Variants in ABCE1 observed in about 807,000 individuals in gnomAD.
ABCE1 encodes the protein ATP binding cassette subfamily E member 1, also known as ATP-binding cassette sub-family E member 1.
ABCE1 carries 22 observed loss-of-function variants against 83.4 expected under a neutral mutation model. The observed-to-expected ratio is 0.26, with a 90% CI of 0.19 to 0.38. ABCE1 has a LOEUF of 0.38. Among genes scored for constraint, ABCE1 ranks in the 10% least tolerant of loss-of-function variants. The pLI, the probability that ABCE1 is intolerant of heterozygous loss-of-function variation, is 1.00. For missense variants in ABCE1, 330 were observed against 721.9 expected (o/e 0.46, Z 6.22); for synonymous variants, 204 against 233.7 (o/e 0.87, Z 1.16).
At position 145,112,402 on chromosome 4, in the gene ABCE1, G is replaced by T. The variant is rs927625633; in HGVS notation, c.800+74G>T. The T allele has an allele frequency of 1.2e-5, 12 of 1,008,864 alleles. No homozygotes were observed. In the African/African-American group the frequency reaches 1.8e-4, roughly 15 times the overall value. The allele number at this position is 1,008,864 out of a possible 1,614,324, so 62.5% of individuals were successfully genotyped here. A position where few individuals can be genotyped will look rare whatever the true frequency, so the allele number is the denominator to read the frequency against. ...TACAGATTTCTAAGGATTAAACACT[G>T]GGACTGTCAATGTGATGTACATATT... is the stretch of plus-strand genomic sequence containing the variant. On this transcript the variant is annotated intron_variant, in intron 9 of 17. Coordinates refer to ENST00000296577, the MANE Select transcript of ABCE1 (RefSeq NM_002940.3).
chr4:145,105,463 T>G, intron 2 of ABCE1, 142 bp from the exon 3 acceptor site: 2 of 557,996 alleles, frequency 3.6e-6, no homozygotes. Context: ...AGACATTATC[T>G]CAAATGTATT....
At chr4:145,120,357 C>A (rs7681812) in intron 11 of ABCE1, among the ~76,000 whole-genome samples, 3,161 of 151,932 alleles carry the variant, frequency 0.021, 94 homozygotes, top group African/African-American at 0.073. Flanking sequence ...GTTAATAGTT[C>A]TTATTTTGTT....
chr4:145,117,497 T>G, intron 10 of ABCE1, 83 bp downstream of exon 10: 1 of 1,365,822 alleles, frequency 7.3e-7, no homozygotes, highest in Non-Finnish European at 1.0e-6. Context: ...ATTAAGTAGT[T>G]TTACATTGGT....
At chr4:145,105,061 CTT>C (rs1354729827) in intron 2 of ABCE1, among the ~76,000 whole-genome samples, 2 of 151,970 alleles carry the variant, frequency 1.3e-5, no homozygotes, top group Non-Finnish European at 2.9e-5. Flanking sequence ...ATTACTGACT[CTT>C]AGAATTACTG....
intron 3 of ABCE1, among the ~76,000 whole-genome samples, chr4:145,106,172 G>A (rs2126700948): frequency 6.6e-6 from 1 of 151,898 alleles, no homozygotes; most frequent in African/African-American, 2.4e-5. Flanking sequence ...GTTTGATTAG[G>A]CTTTTGACTC....
At chr4:145,102,164 A>G (rs1749169570) in intron 1 of ABCE1, among the ~76,000 whole-genome samples, 1 of 152,156 alleles carries the variant, frequency 6.6e-6, no homozygotes, top group Non-Finnish European at 1.5e-5. Flanking sequence ...CAGGTGAATT[A>G]AGGTCTGATA....
In ABCE1 at chr4:145,127,581, CTG is replaced by C. The variant is rs750888504; in HGVS notation, c.*9_*10del. On this transcript the variant is annotated 3_prime_UTR_variant, in exon 18 of 18. Transcript: ENST00000296577. ...TTTTTCTTGGATGATTAGACTGACT[CTG>C]AGAATATTGATAAGCCATTTATTAA... 7.4e-5 allele frequency: 114 copies of C among 1,548,244 alleles called. No homozygotes were observed. Among genetic ancestry groups the C allele is most frequent in the Non-Finnish European group, 9.2e-5 (106 of 1,156,644 alleles).
intron 9 of ABCE1, among the ~76,000 whole-genome samples, chr4:145,114,909 T>A (rs904518934): frequency 1.3e-5 from 2 of 151,960 alleles, no homozygotes; most frequent in Non-Finnish European, 2.9e-5. Context: ...ATTCTGAAAT[T>A]TGATGGGTCA....
chr4:145,110,471 A>C (rs1429616386), intron 7 of ABCE1, 27 bp downstream of exon 7: 2 of 1,595,466 alleles, frequency 1.3e-6, no homozygotes, highest in African/African-American at 2.7e-5. Context: ...TGTTTGTGTG[A>C]ATATATATTT....
At chr4:145,127,495 T>C in intron 17 of ABCE1, 31 bp from the exon 18 acceptor site, 1 of 1,575,216 alleles carries the variant, frequency 6.3e-7, no homozygotes, top group Non-Finnish European at 8.6e-7. Context: ...ATCGTGTTGC[T>C]GATTTTTGTG....
chr4:145,110,955 A>T lies in ABCE1; in HGVS notation c.614-13A>T, dbSNP rs372356318. On this transcript the variant is annotated splice_polypyrimidine_tract_variant and intron_variant, in intron 7 of 17. Coordinates refer to ENST00000296577, the MANE Select transcript of ABCE1 (RefSeq NM_002940.3). ...GAAATACATTGAGCACAATGCCTCTATGTTCTTTGTAGATTTAACCCACCT... is the reference window on the plus strand; with the variant it reads ...GAAATACATTGAGCACAATGCCTCTTTGTTCTTTGTAGATTTAACCCACCT... The T allele has an allele frequency of 3.8e-6, 6 of 1,584,256 alleles. 1 individual carries two copies. The South Asian group carries it at 5.7e-5, about 15-fold the overall frequency.
intron 9 of ABCE1, among the ~76,000 whole-genome samples, chr4:145,112,870 C>T (rs1314365504): frequency 6.6e-6 from 1 of 152,090 alleles, no homozygotes. Flanking sequence ...TCCTATTTTG[C>T]AGATGAAGCA....
At chr4:145,118,381 T>C (rs1048207100) in intron 10 of ABCE1, among the ~76,000 whole-genome samples, 7 of 151,584 alleles carry the variant, frequency 4.6e-5, no homozygotes, top group Non-Finnish European at 1.0e-4. Context: ...TTATAAAAAG[T>C]ACATAAATAT....
intron 17 of ABCE1, among the ~76,000 whole-genome samples, chr4:145,125,558 T>G (rs1020856446): frequency 6.6e-6 from 1 of 152,190 alleles, no homozygotes; most frequent in African/African-American, 2.4e-5. Context: ...TACTTTAGTG[T>G]GCGGTAGGCA....
At position 145,121,345 on chromosome 4, in the gene ABCE1, T is replaced by G; in HGVS notation, c.1217T>G (p.Val406Gly). ...CATTATTTTGCAGGAGAAGTACCAG[T>G]TCTAAATGTCAGTTATAAGCCACAG... ...LKPDEGGEVP[V>G]LNVSYKPQKI... is the part of the protein sequence containing the mutation. Residue 406 changes from valine (V) to glycine (G), a missense_variant, in exon 13 of 18, where the codon GTT becomes GGT. Val to Gly is a moderately radical substitution (Grantham distance 109). Coordinates refer to ENST00000296577, the MANE Select transcript of ABCE1 (RefSeq NM_002940.3). 6.2e-7 allele frequency: 1 copy of G among 1,613,318 alleles called. No homozygotes were observed. The highest frequency in any genetic ancestry group is 8.5e-7 in the Non-Finnish European group (1 of 1,179,616).
At chr4:145,105,104 T>C (rs1025086957) in intron 2 of ABCE1, among the ~76,000 whole-genome samples, 2 of 152,072 alleles carry the variant, frequency 1.3e-5, no homozygotes, top group Non-Finnish European at 2.9e-5. Flanking sequence ...TCATCTGTTA[T>C]TGTCTCCTTT....
At chr4:145,118,580 A>T (rs1553994384) in intron 10 of ABCE1, among the ~76,000 whole-genome samples, 1 of 151,770 alleles carries the variant, frequency 6.6e-6, no homozygotes, top group Non-Finnish European at 1.5e-5. Context: ...ACTCTATACC[A>T]TATGGTAGTC....
In ABCE1 at chr4:145,108,017, A is replaced by G. The variant is rs751360994; in HGVS notation, c.192A>G (p.Lys64=). Residue 64 remains lysine (K), a splice_region_variant and synonymous_variant, in exon 4 of 18, where the codon AAA becomes AAG. Coordinates refer to ENST00000296577, the MANE Select transcript of ABCE1 (RefSeq NM_002940.3). Reference sequence around the variant, plus strand: ...TAATTCTTTACTTTAAATAACAGAAATGCCCCTTTGGCGCCTTATCAATTG... The same window carrying G: ...TAATTCTTTACTTTAAATAACAGAAGTGCCCCTTTGGCGCCTTATCAATTG... ...LCIGCGICIK[K]CPFGALSIVN... is the part of the protein sequence containing the mutation. 5 of 1,610,920 alleles carry G rather than the reference A, an allele frequency of 3.1e-6. No homozygotes were observed. The highest frequency in any genetic ancestry group is 4.2e-6 in the Non-Finnish European group (5 of 1,178,912).
rs1749245154 is a variant in ABCE1, at chr4:145,104,521, C to T, written c.103+6C>T. The T allele has an allele frequency of 1.9e-6, 3 of 1,560,544 alleles. No homozygotes were observed. Among genetic ancestry groups the T allele is most frequent in the Non-Finnish European group, 2.6e-6 (3 of 1,145,638 alleles). The stretch of plus-strand genomic sequence containing the variant: ...TTGTCCTGTAGTTCGAATGGGTAAG[C>T]TGTTCTGTGGATCATTTAAGTATAA... On this transcript the variant is annotated splice_donor_region_variant and intron_variant, in intron 2 of 17. Coordinates refer to ENST00000296577, the MANE Select transcript of ABCE1 (RefSeq NM_002940.3).
Sources: allele counts gnomAD v4.1 joint callset (sites outside exome capture counted in the v4.1 genomes callset), GRCh38; gene constraint gnomAD v4.1.1; transcripts MANE v1.5; gene names NCBI Gene and HGNC (gene_info 2026-07-23, HGNC 2026-07-21).